Variants in ADAP2 observed in about 807,000 individuals in gnomAD.
ADAP2 encodes the protein ArfGAP with dual PH domains 2.
ADAP2 carries 42 observed loss-of-function variants against 54.9 expected under a neutral mutation model. That is an observed-to-expected ratio of 0.77 (90% CI 0.60 to 0.99). The LOEUF is 0.99. Ranked by LOEUF, ADAP2 falls within the 50% of genes least tolerant of loss-of-function variation. The pLI is 0.00. For missense variants in ADAP2, 429 were observed against 480.4 expected, an observed-to-expected ratio of 0.89 and a Z score of 1.00; for synonymous variants, 177 against 180.1, an observed-to-expected ratio of 0.98 and a Z score of 0.14.
intron 7 of ADAP2, 71 bp downstream of exon 7, chr17:30,949,441 T>C (rs1904428630): frequency 7.0e-7 from 1 of 1,422,364 alleles, no homozygotes; most frequent in South Asian, 1.2e-5. Flanking sequence ...TCTGTTGACC[T>C]CGAAGACACT....
Position 30,958,974 on chromosome 17 carries a change from C to T in ADAP2, c.*1105C>T, listed in dbSNP as rs906556178. On this transcript the variant is annotated 3_prime_UTR_variant, in exon 11 of 11. Transcript: ENST00000330889. ...AAGCAATGCGTAAGCCTGTGTCCTT[C>T]CTGAAGCTTCTCGACTGCCCAGATA... The T allele has an allele frequency of 2.0e-5, 3 of 152,142 alleles. No individual in the cohort carries two copies. Among genetic ancestry groups the T allele is most frequent in the Non-Finnish European group, 4.4e-5 (3 of 68,018 alleles). The allele number at this position is 152,142 out of a possible 1,614,324, so 9.4% of individuals were successfully genotyped here. A position where few individuals can be genotyped will look rare whatever the true frequency, so the allele number is the denominator to read the frequency against.
chr17:30,950,212 G>C (rs1006249221), intron 7 of ADAP2, among the ~76,000 whole-genome samples: 1 of 152,202 alleles, frequency 6.6e-6, no homozygotes, highest in Non-Finnish European at 1.5e-5. Flanking sequence ...CTCCATTACA[G>C]TTGTAACAGG....
intron 5 of ADAP2, among the ~76,000 whole-genome samples, chr17:30,943,562 A>T (rs1912427018): frequency 6.6e-6 from 1 of 152,002 alleles, no homozygotes; most frequent in Admixed American, 6.6e-5. Flanking sequence ...AAAAAGAATG[A>T]GATTGGCTGG....
intron 3 of ADAP2, among the ~76,000 whole-genome samples, chr17:30,930,045 C>CTTTAT (rs1555565943): frequency 7.1e-6 from 1 of 140,330 alleles, no homozygotes. Context: ...CGACAGAAAC[C>CTTTAT]TTATTTATTT....
intron 6 of ADAP2, among the ~76,000 whole-genome samples, chr17:30,946,124 C>T (rs1483217151): frequency 6.7e-6 from 1 of 149,598 alleles, no homozygotes; most frequent in Non-Finnish European, 1.5e-5. Context: ...CACTGCACTC[C>T]AGCCTGGGTG....
chr17:30,924,938 T>C (rs1910918680), intron 2 of ADAP2, among the ~76,000 whole-genome samples: 1 of 151,048 alleles, frequency 6.6e-6, no homozygotes, highest in African/African-American at 2.4e-5. Context: ...AATGATGCGA[T>C]CTTGGCTCAC....
chr17:30,951,528 T>G (rs1233690152), intron 7 of ADAP2, among the ~76,000 whole-genome samples: 1 of 152,094 alleles, frequency 6.6e-6, no homozygotes, highest in Non-Finnish European at 1.5e-5. Flanking sequence ...AGAGATGATG[T>G]CTCACTTATG....
At chr17:30,942,626 T>C (rs777145442) in intron 5 of ADAP2, among the ~76,000 whole-genome samples, 10 of 152,212 alleles carry the variant, frequency 6.6e-5, no homozygotes, top group Admixed American at 1.3e-4. Flanking sequence ...AGAAAATAGA[T>C]TGATAACTTT....
At chr17:30,923,693 C>CTTTTTTTTTT (rs1013811428) in intron 2 of ADAP2, among the ~76,000 whole-genome samples, 2 of 92,410 alleles carry the variant, frequency 2.2e-5, no homozygotes, top group African/African-American at 5.0e-5. Context: ...TTCTTTCTTC[C>CTTTTTTTTTT]TTTTTTTTTT....
intron 2 of ADAP2, 81 bp downstream of exon 2, chr17:30,923,151 A>G (rs1257268888): frequency 6.6e-7 from 1 of 1,525,698 alleles, no homozygotes. Context: ...CATTCTACAG[A>G]GGGGGAAACT....
Position 30,957,912 on chromosome 17 carries a change from C to G in ADAP2, c.*43C>G, listed in dbSNP as rs139781711. The G allele has an allele frequency of 1.2e-5, 20 of 1,601,010 alleles. No individual in the cohort carries two copies. In the East Asian group the frequency reaches 3.2e-4, roughly 25 times the overall value. On this transcript the variant is annotated 3_prime_UTR_variant, in exon 11 of 11. Transcript: ENST00000330889. ...TGGCTGCCACTGAACACCTGGAACT[C>G]CTTGTGGGAAGAAGTTTGCACCTCG...
chr17:30,923,147 A>G, intron 2 of ADAP2, 77 bp downstream of exon 2: 1 of 1,538,586 alleles, frequency 6.5e-7, no homozygotes, highest in Non-Finnish European at 8.9e-7. Context: ...CTCCCATTCT[A>G]CAGAGGGGGA....
chr17:30,949,237 C>T, intron 6 of ADAP2, 50 bp from the exon 7 acceptor site: 4 of 1,516,736 alleles, frequency 2.6e-6, no homozygotes, highest in South Asian at 1.1e-5. Context: ...TAGCTTCCCA[C>T]CCACCCCATC....
At chr17:30,924,299 TGA>T (rs1910865951) in intron 2 of ADAP2, among the ~76,000 whole-genome samples, 2 of 151,304 alleles carry the variant, frequency 1.3e-5, no homozygotes, top group African/African-American at 4.9e-5. Flanking sequence ...CCTGAGCCTG[TGA>T]GAGTGTGGCT....
At chr17:30,928,696 GAATTGGGAT>G (rs2142513851) in intron 3 of ADAP2, among the ~76,000 whole-genome samples, 1 of 152,278 alleles carries the variant, frequency 6.6e-6, no homozygotes, top group South Asian at 2.1e-4. Flanking sequence ...CTGTTTCATG[GAATTGGGAT>G]AATTTTATAT....
At chr17:30,935,427 T>A (rs1911802000) in intron 5 of ADAP2, among the ~76,000 whole-genome samples, 1 of 151,988 alleles carries the variant, frequency 6.6e-6, no homozygotes, top group Non-Finnish European at 1.5e-5. Context: ...GAGAGTGTGT[T>A]AGGGAGTCAG....
intron 5 of ADAP2, among the ~76,000 whole-genome samples, chr17:30,936,326 T>C (rs1911878228): frequency 6.6e-6 from 1 of 152,094 alleles, no homozygotes; most frequent in African/African-American, 2.4e-5. Flanking sequence ...AGCTAATTTT[T>C]ATTTACTTAT....
chr17:30,945,181 G>C (rs1186724370), intron 6 of ADAP2, 128 bp downstream of exon 6: 1 of 1,139,884 alleles, frequency 8.8e-7, no homozygotes, highest in African/African-American at 1.6e-5. Flanking sequence ...GCTACCATTT[G>C]CCTTAATCTA....
At position 30,957,856 on chromosome 17, in the gene ADAP2, G is replaced by A. The variant is rs142690706; in HGVS notation, c.1133G>A (p.Arg378His). ...GCAGCTGCATCAACAGAGAGTGGCC[G>A]CAGCAGCAGGTGACCCATTAACTGA... ...NRLTASTESG[R>H]SSR Residue 378 changes from arginine (R) to histidine (H), a missense_variant, in exon 11 of 11, where the codon CGC becomes CAC. By Grantham distance (29) the Arg-to-His change is conservative (BLOSUM62 0). Transcript: ENST00000330889. The A allele has an allele frequency of 2.3e-4, 378 of 1,613,072 alleles. No homozygotes were observed. In the African/African-American group the frequency reaches 4.4e-3, roughly 19 times the overall value.
Sources: gnomAD v4.1 joint callset for allele counts (sites outside exome capture counted in the v4.1 genomes callset) on GRCh38, gnomAD v4.1.1 for gene constraint, MANE v1.5 for transcripts, NCBI Gene and HGNC (gene_info 2026-07-23, HGNC 2026-07-21) for gene names.